MCPH1: variants seen among roughly 807,000 people sequenced by gnomAD.
MCPH1 encodes microcephalin.
MCPH1 carries 104 observed loss-of-function variants against 84.5 expected under a neutral mutation model. That is an observed-to-expected ratio of 1.23 (90% CI 1.05 to 1.45). MCPH1 has a LOEUF of 1.45. Among genes scored for constraint, MCPH1 ranks in the 40% most tolerant of loss-of-function variants. The probability of loss-of-function intolerance (pLI) is 0.00; values close to 1 mark genes in which losing one functional copy is unlikely to be tolerated. For missense variants in MCPH1, 1,498 were observed against 1,005.7 expected (o/e 1.49, Z -6.62); for synonymous variants, 514 against 366.8 (o/e 1.40, Z -4.58).
intron 12 of MCPH1, among the ~76,000 whole-genome samples, chr8:6,583,415 C>G (rs1470644602): frequency 2.0e-5 from 3 of 152,324 alleles, no homozygotes; most frequent in Middle Eastern, 3.4e-3. Context: ...CGCTGCAAGG[C>G]ACTGGCTGTG....
intron 12 of MCPH1, among the ~76,000 whole-genome samples, chr8:6,589,897 G>C (rs945551751): frequency 1.3e-5 from 2 of 152,120 alleles, no homozygotes; most frequent in African/African-American, 4.8e-5. Context: ...TCTTATTATG[G>C]AAATGAAAAT....
At chr8:6,409,039 C>A (rs543997839) in intron 1 of MCPH1, among the ~76,000 whole-genome samples, 1 of 152,208 alleles carries the variant, frequency 6.6e-6, no homozygotes, top group African/African-American at 2.4e-5. Context: ...TGCCCGCCAC[C>A]ATGCTCGGCT....
chr8:6,499,889 A>G lies in MCPH1; in HGVS notation c.2174A>G (p.Glu725Gly). The G allele has an allele frequency of 6.2e-7, 1 of 1,613,564 alleles. No individual in the cohort carries two copies. The highest frequency in any genetic ancestry group is 8.5e-7 in the Non-Finnish European group (1 of 1,179,988). The part of the protein sequence containing the change: ...WSLELGHWIS[E>G]EPFELSHHFP... ...TTAGAATTGGGTCACTGGATTTCTG[A>G]GGAGCCGTTCGAACTGTCTCACCAC... Residue 725 changes from glutamate (E) to glycine (G), a missense_variant, in exon 12 of 14, where the codon GAG (glutamate) becomes GGG (glycine). Physicochemically the swap from Glu to Gly is moderately conservative, Grantham distance 98. Transcript: ENST00000344683.
intron 12 of MCPH1, among the ~76,000 whole-genome samples, chr8:6,594,547 T>A (rs925496051): frequency 1.1e-4 from 17 of 152,278 alleles, no homozygotes; most frequent in Admixed American, 7.2e-4. Flanking sequence ...TTAGATCTCA[T>A]GTGTCCATGT....
intron 11 of MCPH1, among the ~76,000 whole-genome samples, chr8:6,493,964 A>G (rs931259034): frequency 2.6e-5 from 4 of 151,156 alleles, no homozygotes; most frequent in African/African-American, 7.3e-5. Context: ...TCTTTGAGAC[A>G]GAGTTTCGCT....
chr8:6,539,917 C>G (rs1225249924), intron 12 of MCPH1, among the ~76,000 whole-genome samples: 1 of 152,208 alleles, frequency 6.6e-6, no homozygotes, highest in Non-Finnish European at 1.5e-5. Flanking sequence ...CTATCTGATA[C>G]TGTATCTAGA....
At chr8:6,516,894 G>C (rs1042601637) in intron 12 of MCPH1, among the ~76,000 whole-genome samples, 22 of 152,158 alleles carry the variant, frequency 1.4e-4, no homozygotes, top group Non-Finnish European at 4.4e-5. Context: ...TTAAATGTCT[G>C]AGAGTCACTG....
chr8:6,557,116 T>G (rs1483064716), intron 12 of MCPH1, among the ~76,000 whole-genome samples: 1 of 152,178 alleles, frequency 6.6e-6, no homozygotes, highest in Non-Finnish European at 1.5e-5. Context: ...TCATGTTCAT[T>G]CACACTCCTC....
intron 12 of MCPH1, among the ~76,000 whole-genome samples, chr8:6,562,109 A>C (rs1202592246): frequency 6.6e-6 from 1 of 152,186 alleles, no homozygotes; most frequent in Non-Finnish European, 1.5e-5. Flanking sequence ...GCTTTATTTA[A>C]TTTCCTCTCG....
chr8:6,591,989 A>G (rs371770398), intron 12 of MCPH1, among the ~76,000 whole-genome samples: 1 of 152,342 alleles, frequency 6.6e-6, no homozygotes, highest in South Asian at 2.1e-4. Flanking sequence ...TCGACAACGC[A>G]AAGTGAGAGT....
chr8:6,445,847 T>G, intron 8 of MCPH1: 1 of 1,106,722 alleles, frequency 9.0e-7, no homozygotes, highest in Non-Finnish European at 1.1e-6. Context: ...GGGAGTGAAG[T>G]CTTTTTCCTT....
At chr8:6,557,766 A>G (rs1824878053) in intron 12 of MCPH1, among the ~76,000 whole-genome samples, 1 of 152,128 alleles carries the variant, frequency 6.6e-6, no homozygotes, top group African/African-American at 2.4e-5. Context: ...CTTGCCATTA[A>G]GTACCGTAAA....
chr8:6,601,935 C>A (rs1278067998), intron 12 of MCPH1, among the ~76,000 whole-genome samples: 16 of 152,198 alleles, frequency 1.1e-4, no homozygotes, highest in African/African-American at 3.9e-4. Flanking sequence ...TAAATACTAT[C>A]ATATAAAAAG....
chr8:6,437,842 C>G (rs1355330058), intron 5 of MCPH1, among the ~76,000 whole-genome samples: 1 of 152,170 alleles, frequency 6.6e-6, no homozygotes, highest in African/African-American at 2.4e-5. Context: ...CTCCTCTCTC[C>G]CCTGATGCCT....
intron 12 of MCPH1, among the ~76,000 whole-genome samples, chr8:6,555,913 T>G (rs1824531646): frequency 6.6e-6 from 1 of 152,308 alleles, no homozygotes; most frequent in Middle Eastern, 3.4e-3. Context: ...CCTAGCAGCT[T>G]CAGCACCATC....
intron 12 of MCPH1, among the ~76,000 whole-genome samples, chr8:6,599,344 A>G (rs1829188812): frequency 6.6e-6 from 1 of 152,234 alleles, no homozygotes; most frequent in Non-Finnish European, 1.5e-5. Context: ...GGAGTTAGTC[A>G]GGGACTGCAT....
At chr8:6,409,009 C>T (rs1207396814) in intron 1 of MCPH1, among the ~76,000 whole-genome samples, 1 of 152,086 alleles carries the variant, frequency 6.6e-6, no homozygotes, top group Non-Finnish European at 1.5e-5. Flanking sequence ...CCTCAGCCTC[C>T]CAGTAGCTGG....
chr8:6,480,730 A>T lies in MCPH1; in HGVS notation c.1990A>T (p.Ile664Phe), dbSNP rs1460668601. 3 of 1,614,220 alleles carry T rather than the reference A, an allele frequency of 1.9e-6. No homozygotes were observed. The highest frequency in any genetic ancestry group is 1.7e-6 in the Non-Finnish European group (2 of 1,180,042). The change falls in exon 11 of 14, where the codon ATC becomes TTC. Residue 664 changes from isoleucine to phenylalanine, a missense_variant. Physicochemically the swap from Ile to Phe is conservative, Grantham distance 21. Coordinates refer to ENST00000344683, the MANE Select transcript of MCPH1 (RefSeq NM_024596.5). ...ATTTGACAGAAAGCAGAATGTCGTCATCCAGGTTGTGGATAAATTGAAAGG... is the reference window on the plus strand; with the variant it reads ...ATTTGACAGAAAGCAGAATGTCGTCTTCCAGGTTGTGGATAAATTGAAAGG... ...SMPSEKQNVVIQVVDKLKGFS... is the reference protein window; with the variant it reads ...SMPSEKQNVVFQVVDKLKGFS...
At chr8:6,485,434 T>A (rs1809768602) in intron 11 of MCPH1, among the ~76,000 whole-genome samples, 1 of 152,148 alleles carries the variant, frequency 6.6e-6, no homozygotes, top group Non-Finnish European at 1.5e-5. Flanking sequence ...TTTCCTTCTG[T>A]GTGCTGAAGT....
Sources: gnomAD v4.1 joint callset for allele counts (sites outside exome capture counted in the v4.1 genomes callset) on GRCh38, gnomAD v4.1.1 for gene constraint, MANE v1.5 for transcripts, NCBI Gene and HGNC (gene_info 2026-07-23, HGNC 2026-07-21) for gene names.